The following LIMCH1 variants were observed in gnomAD, a reference collection of about 807,000 sequenced individuals.
The protein encoded by LIMCH1 is LIM and calponin homology domains 1, also known as LIM and calponin homology domains-containing protein 1.
Under a neutral mutation model 176.5 loss-of-function variants are expected in LIMCH1, and 113 were observed. The observed-to-expected ratio is 0.64, with a 90% confidence interval of 0.55 to 0.75. The LOEUF (loss-of-function observed/expected upper bound fraction) is 0.75. Among genes scored for constraint, LIMCH1 ranks in the 30% least tolerant of loss-of-function variants. LIMCH1 has a pLI of 0.00. For synonymous variants in LIMCH1, 619 were observed against 645.9 expected, an observed-to-expected ratio of 0.96 and a Z score of 0.63; for missense variants, 1,674 against 1,814.9, an observed-to-expected ratio of 0.92 and a Z score of 1.41.
At chr4:41,361,830 C>T (rs1171374560) in intron 1 of LIMCH1, among the ~76,000 whole-genome samples, 1 of 129,250 alleles carries the variant, frequency 7.7e-6, no homozygotes, top group Admixed American at 8.1e-5. Flanking sequence ...GAAAGGTGAC[C>T]CCCTATGATT....
At chr4:41,651,276 G>A (rs1423751614) in intron 18 of LIMCH1, among the ~76,000 whole-genome samples, 1 of 152,130 alleles carries the variant, frequency 6.6e-6, no homozygotes, top group East Asian at 1.9e-4. Flanking sequence ...AAAGTGCTGG[G>A]ATTACAGGCA....
intron 4 of LIMCH1, 31 bp downstream of exon 4, chr4:41,606,035 GC>G: frequency 6.9e-7 from 1 of 1,458,516 alleles, no homozygotes; most frequent in East Asian, 2.3e-5. Flanking sequence ...TATCCCATAA[GC>G]GTTAGACAAG....
At chr4:41,431,901 TGACTAACACCAATTG>T (rs1328956906) in intron 1 of LIMCH1, among the ~76,000 whole-genome samples, 3 of 152,244 alleles carry the variant, frequency 2.0e-5, no homozygotes, top group African/African-American at 4.8e-5. Flanking sequence ...TTAATAATAA[TGACTAACACCAATTG>T]AATAATGATT....
chr4:41,666,130 A>G (rs1180808085), intron 20 of LIMCH1, among the ~76,000 whole-genome samples: 1 of 152,210 alleles, frequency 6.6e-6, no homozygotes. Flanking sequence ...TTGAAAAGTA[A>G]TACTACTTTA....
rs57517524 is a variant in LIMCH1, at chr4:41,460,458, C to CTATATATATATATATA, written c.97-34072_97-34057dup. On this transcript the variant is annotated intron_variant, in intron 1 of 26. Transcript: ENST00000313860. ...AAATTTGTTCCACTATAGTAATCAT[C>CTATATATATATATATA]TATATATATATATATATATATCTTA... Among the ~76,000 whole-genome samples, 63 of 110,530 alleles carry CTATATATATATATATA rather than the reference C, an allele frequency of 5.7e-4. 3 individuals carry two copies. The highest frequency in any genetic ancestry group is 1.5e-3 in the South Asian group (4 of 2,678). 72.5% of individuals were successfully genotyped at this position (110,530 alleles called of 152,430 possible).
intron 1 of LIMCH1, among the ~76,000 whole-genome samples, chr4:41,595,430 T>A (rs780231405): frequency 6.6e-6 from 1 of 152,202 alleles, no homozygotes; most frequent in African/African-American, 2.4e-5. Flanking sequence ...TTTTTTCCAC[T>A]GTGTGAAGTT....
At chr4:41,581,120 A>C (rs181241178) in intron 1 of LIMCH1, among the ~76,000 whole-genome samples, 1 of 130,416 alleles carries the variant, frequency 7.7e-6, no homozygotes, top group Non-Finnish European at 1.5e-5. Context: ...CTGTCTATCT[A>C]TCTATCTATC....
At chr4:41,413,949 AG>A (rs1235654760) in intron 1 of LIMCH1, among the ~76,000 whole-genome samples, 1 of 152,202 alleles carries the variant, frequency 6.6e-6, no homozygotes, top group Non-Finnish European at 1.5e-5. Context: ...CAGACCTTAA[AG>A]GGGGGCAGGG....
rs1446410457 is a variant in LIMCH1, at chr4:41,395,486, G to A, written c.96+34550G>A. On this transcript the variant is annotated intron_variant, in intron 1 of 26. Coordinates refer to the LIMCH1 transcript ENST00000313860. ...TCGAACTCCCGACCTCAAGTGATCC[G>A]CCCGCCTTGGCCTCCCAAAGTGCTG... is the stretch of plus-strand genomic sequence containing the variant. Among the ~76,000 whole-genome samples, 4 of 150,558 alleles carry A rather than the reference G, an allele frequency of 2.7e-5. No individual in the cohort carries two copies. In the East Asian group the frequency reaches 7.8e-4, roughly 29 times the overall value.
chr4:41,638,926 T>A lies in LIMCH1; in HGVS notation c.2091-6T>A, dbSNP rs754049690. The A allele has an allele frequency of 1.6e-5, 25 of 1,607,436 alleles. No individual in the cohort carries two copies. The highest frequency in any genetic ancestry group is 2.0e-5 in the Non-Finnish European group (23 of 1,177,448). On this transcript the variant is annotated splice_region_variant and splice_polypyrimidine_tract_variant and intron_variant, in intron 13 of 31. Transcript: ENST00000503057. Reference sequence around the variant, plus strand: ...CAGTCCTCTAATTTTTTATTTGATCTTATAGATACGGTCCGAGAACTCCTG... The same window carrying A: ...CAGTCCTCTAATTTTTTATTTGATCATATAGATACGGTCCGAGAACTCCTG...
intron 1 of LIMCH1, among the ~76,000 whole-genome samples, chr4:41,459,915 G>A (rs543749482): frequency 3.7e-4 from 56 of 152,230 alleles, no homozygotes; most frequent in African/African-American, 1.3e-3. Flanking sequence ...GCCACCTGAG[G>A]CGAAGATAGG....
At chr4:41,669,938 AT>A (rs1046043619) in intron 21 of LIMCH1, among the ~76,000 whole-genome samples, 9 of 152,276 alleles carry the variant, frequency 5.9e-5, no homozygotes, top group Admixed American at 1.3e-4. Context: ...TCATCCATTC[AT>A]AGACTGGTCA....
chr4:41,689,861 A>C (rs1724025267), intron 30 of LIMCH1: 1 of 400,244 alleles, frequency 2.5e-6, no homozygotes. Flanking sequence ...CTTACAAAAC[A>C]GTTTTTGTTG....
At chr4:41,622,866 G>T (rs1180682976) in intron 7 of LIMCH1, among the ~76,000 whole-genome samples, 1 of 152,130 alleles carries the variant, frequency 6.6e-6, no homozygotes, top group African/African-American at 2.4e-5. Flanking sequence ...CAGGTCTTCT[G>T]ACTTAGCATT....
chr4:41,584,202 C>T (rs1050704152), intron 1 of LIMCH1, among the ~76,000 whole-genome samples: 4 of 152,134 alleles, frequency 2.6e-5, no homozygotes, highest in Non-Finnish European at 5.9e-5. Context: ...TGGAATATAT[C>T]CTTTGTTGCA....
At chr4:41,424,181 C>G (rs1402712739) in intron 1 of LIMCH1, among the ~76,000 whole-genome samples, 1 of 152,144 alleles carries the variant, frequency 6.6e-6, no homozygotes, top group Non-Finnish European at 1.5e-5. Context: ...CTCTCCCTCT[C>G]TCTTTCTCTC....
At chr4:41,616,692 C>A (rs1357283448) in intron 5 of LIMCH1, among the ~76,000 whole-genome samples, 2 of 152,222 alleles carry the variant, frequency 1.3e-5, no homozygotes, top group East Asian at 3.9e-4. Flanking sequence ...CAAAAGAAGA[C>A]TCTGACATTT....
At chr4:41,449,792 G>A (rs1204054068) in intron 1 of LIMCH1, among the ~76,000 whole-genome samples, 1 of 152,186 alleles carries the variant, frequency 6.6e-6, no homozygotes, top group Non-Finnish European at 1.5e-5. Flanking sequence ...CCAAGTGGGT[G>A]GCTGGAACAA....
chr4:41,394,812 A>G (rs955230006), intron 1 of LIMCH1, among the ~76,000 whole-genome samples: 3 of 152,204 alleles, frequency 2.0e-5, no homozygotes, highest in Admixed American at 1.3e-4. Context: ...GCCTTGCAGC[A>G]GGAAGTGGCA....
Sources: gnomAD v4.1 joint callset for allele counts (sites outside exome capture counted in the v4.1 genomes callset) on GRCh38, gnomAD v4.1.1 for gene constraint, MANE v1.5 for transcripts, NCBI Gene and HGNC (gene_info 2026-07-23, HGNC 2026-07-21) for gene names.